The following KATNAL2 variants were observed in gnomAD, a reference collection of about 807,000 sequenced individuals.
KATNAL2 encodes the protein katanin p60 ATPase-containing subunit A-like 2.
Under a neutral mutation model 76.3 loss-of-function variants are expected in KATNAL2, and 52 were observed. That is an observed-to-expected ratio of 0.68 (90% CI 0.55 to 0.86). KATNAL2 has a LOEUF of 0.86. KATNAL2 is among the 40% of genes least tolerant of loss of function. The probability of loss-of-function intolerance (pLI) is 0.00; values close to 1 mark genes in which losing one functional copy is unlikely to be tolerated. For missense variants in KATNAL2, 660 were observed against 668.9 expected (o/e 0.99, Z 0.15); for synonymous variants, 243 against 244.2 (o/e 1.00, Z 0.05).
At chr18:47,059,678 C>A in intron 8 of KATNAL2, 24 bp downstream of exon 8, 1 of 1,409,788 alleles carries the variant, frequency 7.1e-7, no homozygotes, top group Non-Finnish European at 1.0e-6. Flanking sequence ...ATGAACCTAA[C>A]ACTGAAAGTG....
intron 1 of KATNAL2, chr18:46,920,008 CAT>C: frequency 8.1e-7 from 1 of 1,240,944 alleles, no homozygotes; most frequent in Non-Finnish European, 1.1e-6. Context: ...AGAGGACCAA[CAT>C]AAACACAAAA....
intron 1 of KATNAL2, among the ~76,000 whole-genome samples, chr18:46,928,862 C>T (rs991568936): frequency 2.0e-5 from 3 of 152,168 alleles, no homozygotes; most frequent in African/African-American, 7.2e-5. Context: ...ATGGCACGAT[C>T]TTGGCTCGCT....
Position 47,035,100 on chromosome 18 carries a change from G to A in KATNAL2, c.52-11357G>A, listed in dbSNP as rs180862379. 14 of 1,611,078 alleles carry A rather than the reference G, an allele frequency of 8.7e-6. 1 individual carries two copies. The Admixed American group carries it at 2.0e-4, about 23-fold the overall frequency. ...CGCCCACGTGCTGGTGCTTCCGCAG[G>A]CGCTTCACCGTCTTTCTGATTCCAG... On this transcript the variant is annotated intron_variant, in intron 3 of 17. Coordinates refer to ENST00000683218, the MANE Select transcript of KATNAL2 (RefSeq NM_001387690.1).
intron 8 of KATNAL2, 145 bp downstream of exon 8, chr18:47,059,799 T>C (rs74399284): frequency 0.034 from 20,614 of 611,046 alleles, 993 homozygotes; most frequent in African/African-American, 0.14. Context: ...GAGAAGAGCG[T>C]CAGAAAATGG....
intron 3 of KATNAL2, among the ~76,000 whole-genome samples, chr18:46,959,059 G>C (rs528306079): frequency 1.3e-5 from 2 of 152,208 alleles, no homozygotes; most frequent in African/African-American, 4.8e-5. Context: ...TTAATCGCAT[G>C]GGCTCCTAAA....
chr18:47,098,221 C>CAAAAA, intron 15 of KATNAL2: 3 of 309,672 alleles, frequency 9.7e-6, no homozygotes, highest in Admixed American at 4.1e-5. Context: ...GACTCCGTCT[C>CAAAAA]AAAAAAAAAA....
intron 3 of KATNAL2, among the ~76,000 whole-genome samples, chr18:47,037,185 A>T (rs2060808108): frequency 6.6e-6 from 1 of 152,226 alleles, no homozygotes; most frequent in Admixed American, 6.5e-5. Context: ...TAAAAGCACT[A>T]ATGTTGCATG....
At chr18:46,950,763 C>T (rs948638556) in intron 3 of KATNAL2, among the ~76,000 whole-genome samples, 3 of 152,012 alleles carry the variant, frequency 2.0e-5, no homozygotes, top group Non-Finnish European at 4.4e-5. Context: ...CGGCTCACCA[C>T]AACCTCCACC....
chr18:47,061,913 G>C (rs542520385), intron 8 of KATNAL2, among the ~76,000 whole-genome samples: 2 of 151,904 alleles, frequency 1.3e-5, no homozygotes, highest in Non-Finnish European at 2.9e-5. Context: ...CTCTAGGGGG[G>C]ACAGGGTGAT....
chr18:46,952,701 G>A (rs935727019), intron 3 of KATNAL2, among the ~76,000 whole-genome samples: 36 of 150,620 alleles, frequency 2.4e-4, no homozygotes, highest in Non-Finnish European at 8.9e-5. Flanking sequence ...CCCTGGCCCA[G>A]GTATGTTTTT....
chr18:46,923,339 C>T (rs1453779347), intron 1 of KATNAL2, among the ~76,000 whole-genome samples: 3 of 150,856 alleles, frequency 2.0e-5, no homozygotes, highest in Admixed American at 6.6e-5. Context: ...TTTGTCCTTG[C>T]GATAGTTTGC....
chr18:47,065,381 T>C (rs1031117262), intron 10 of KATNAL2, among the ~76,000 whole-genome samples: 1 of 150,214 alleles, frequency 6.7e-6, no homozygotes, highest in Admixed American at 6.7e-5. Flanking sequence ...TTAGCTGGTA[T>C]ATGTGGGTTT....
Position 47,054,449 on chromosome 18 carries a change from T to C in KATNAL2, c.332+11T>C. Reference sequence around the variant, plus strand: ...AGGGAAGACCAGAAGGTAAAGTGAATGGTAATTCTTCTTAATCGACTCGGC... The same window carrying C: ...AGGGAAGACCAGAAGGTAAAGTGAACGGTAATTCTTCTTAATCGACTCGGC... On this transcript the variant is annotated intron_variant, in intron 6 of 17. Coordinates refer to ENST00000683218, the MANE Select transcript of KATNAL2 (RefSeq NM_001387690.1). 1 of 1,612,686 alleles carries C rather than the reference T, an allele frequency of 6.2e-7. No homozygotes were observed. The highest frequency in any genetic ancestry group is 8.5e-7 in the Non-Finnish European group (1 of 1,178,702).
At chr18:47,072,406 G>A (rs1163968017) in intron 13 of KATNAL2, among the ~76,000 whole-genome samples, 8 of 152,056 alleles carry the variant, frequency 5.3e-5, no homozygotes, top group Admixed American at 1.3e-4. Context: ...TATTATCTAC[G>A]TTAGCATCAA....
intron 15 of KATNAL2, among the ~76,000 whole-genome samples, chr18:47,086,781 T>C (rs1217914838): frequency 6.6e-6 from 1 of 152,252 alleles, no homozygotes; most frequent in Non-Finnish European, 1.5e-5. Flanking sequence ...AAGTATACTG[T>C]GCAGGATTTG....
intron 1 of KATNAL2, among the ~76,000 whole-genome samples, chr18:46,919,860 G>A (rs986667427): frequency 6.6e-6 from 1 of 152,048 alleles, no homozygotes; most frequent in African/African-American, 2.4e-5. Context: ...TTTATTCTCC[G>A]TAGACCTTGA....
chr18:47,099,391 A>G lies in KATNAL2; in HGVS notation c.1360A>G (p.Ser454Gly). 3 of 1,612,654 alleles carry G rather than the reference A, an allele frequency of 1.9e-6. No homozygotes were observed. Among genetic ancestry groups the G allele is most frequent in the South Asian group, 2.2e-5 (2 of 90,942 alleles). ...ALELHTELEY[S>G]VLSQETEGYS... ...GGAGCTGCACACAGAGCTGGAGTAC[A>G]GTGTGCTGAGCCAGGTCAGCTGCCC... The change falls in exon 16 of 18, where the codon AGT becomes GGT. Residue 454 changes from serine to glycine, a missense_variant. By Grantham distance (56) the Ser-to-Gly change is moderately conservative. Transcript: ENST00000683218.
chr18:47,077,922 C>T (rs970520105), intron 15 of KATNAL2, among the ~76,000 whole-genome samples: 2 of 152,064 alleles, frequency 1.3e-5, no homozygotes, highest in African/African-American at 4.8e-5. Flanking sequence ...ATGTAATCTA[C>T]TCTCAGAGTC....
intron 3 of KATNAL2, among the ~76,000 whole-genome samples, chr18:47,043,903 T>G (rs1245491064): frequency 6.6e-6 from 1 of 152,110 alleles, no homozygotes; most frequent in African/African-American, 2.4e-5. Flanking sequence ...ATGGTCCTAA[T>G]AATGTAATCA....
Sources: allele counts gnomAD v4.1 joint callset (sites outside exome capture counted in the v4.1 genomes callset), GRCh38; gene constraint gnomAD v4.1.1; transcripts MANE v1.5; gene names NCBI Gene and HGNC (gene_info 2026-07-23, HGNC 2026-07-21).